LYPLAL1: variants seen among roughly 807,000 people sequenced by gnomAD.
LYPLAL1 encodes lysophospholipase-like protein 1.
Under a neutral mutation model 19.7 loss-of-function variants are expected in LYPLAL1, and 23 were observed. The observed-to-expected ratio is 1.17, with a 90% confidence interval of 0.84 to 1.65. The LOEUF is 1.65. Ranked by LOEUF, LYPLAL1 falls within the 40% of genes most tolerant of loss-of-function variation. The pLI is 0.00. For synonymous variants in LYPLAL1, 119 were observed against 96.3 expected (o/e 1.24, Z -1.38); for missense variants, 355 against 279.4 (o/e 1.27, Z -1.93).
At chr1:219,295,079 T>C in the LYPLAL1 span, among the ~76,000 whole-genome samples, 2 of 152,106 alleles carry the variant, frequency 1.3e-5, no homozygotes, top group South Asian at 2.1e-4. Context: ...TGAAAGCAGC[T>C]CTGGGCAGCA....
chr1:219,409,324 C>T, the LYPLAL1 span, among the ~76,000 whole-genome samples: 1 of 152,020 alleles, frequency 6.6e-6, no homozygotes, highest in Non-Finnish European at 1.5e-5. Context: ...TGGCCCATGC[C>T]TGTAGTCCCA....
chr1:219,343,277 G>C, the LYPLAL1 span, among the ~76,000 whole-genome samples: 4 of 152,182 alleles, frequency 2.6e-5, no homozygotes, highest in African/African-American at 9.7e-5. Context: ...TCCTAGGGGA[G>C]ACCTTCATTG....
chr1:219,409,191 G>C, the LYPLAL1 span, among the ~76,000 whole-genome samples: 7 of 152,216 alleles, frequency 4.6e-5, no homozygotes, highest in African/African-American at 1.7e-4. Context: ...GCTCACGCCT[G>C]TAATCCTAGA....
At chr1:219,184,244 G>A (rs1656537523) in intron 2 of LYPLAL1, among the ~76,000 whole-genome samples, 1 of 151,830 alleles carries the variant, frequency 6.6e-6, no homozygotes, top group Admixed American at 6.6e-5. Context: ...TAGTGTAGAA[G>A]TCTTTTGCTA....
At chr1:219,256,413 G>C in the LYPLAL1 span, among the ~76,000 whole-genome samples, 1 of 150,948 alleles carries the variant, frequency 6.6e-6, no homozygotes, top group African/African-American at 2.4e-5. Context: ...TTTCCAGAAG[G>C]CTAATTTGAG....
At chr1:219,193,957 T>G (rs1657403098) in intron 3 of LYPLAL1, among the ~76,000 whole-genome samples, 1 of 151,950 alleles carries the variant, frequency 6.6e-6, no homozygotes, top group South Asian at 2.1e-4. Flanking sequence ...GCAAATTAAG[T>G]ATCCCCATTA....
At chr1:219,251,472 T>C in the LYPLAL1 span, among the ~76,000 whole-genome samples, 2 of 152,082 alleles carry the variant, frequency 1.3e-5, no homozygotes, top group Non-Finnish European at 2.9e-5. Flanking sequence ...AAGGAAAGGG[T>C]CCAGCTTCAA....
chr1:219,272,766 C>T, the LYPLAL1 span: 2 of 149,614 alleles, frequency 1.3e-5, no homozygotes, highest in African/African-American at 4.9e-5. Context: ...GGCAACGGAG[C>T]AAGACTCTTA....
the LYPLAL1 span, among the ~76,000 whole-genome samples, chr1:219,338,479 A>G: frequency 6.6e-6 from 1 of 151,970 alleles, no homozygotes; most frequent in Admixed American, 6.6e-5. Context: ...CTTGCAGCTA[A>G]TAGAGACCTA....
At chr1:219,200,756 A>G (rs535804887) in intron 3 of LYPLAL1, among the ~76,000 whole-genome samples, 100 of 152,316 alleles carry the variant, frequency 6.6e-4, no homozygotes, top group Admixed American at 5.9e-3. Flanking sequence ...AAAGTTTATC[A>G]CTTGATTATA....
At chr1:219,264,383 G>GC in the LYPLAL1 span, among the ~76,000 whole-genome samples, 1 of 152,142 alleles carries the variant, frequency 6.6e-6, no homozygotes, top group Non-Finnish European at 1.5e-5. Context: ...TTCATAATCA[G>GC]CTAGAAAAAT....
the LYPLAL1 span, among the ~76,000 whole-genome samples, chr1:219,300,132 T>G: frequency 1.3e-5 from 2 of 152,082 alleles, no homozygotes; most frequent in Non-Finnish European, 2.9e-5. Flanking sequence ...TACAGGCAAG[T>G]GCCACTATGC....
the LYPLAL1 span, among the ~76,000 whole-genome samples, chr1:219,364,146 C>T: frequency 6.6e-6 from 1 of 152,084 alleles, no homozygotes; most frequent in African/African-American, 2.4e-5. Context: ...AGATGACAGG[C>T]TGAATATGGT....
the LYPLAL1 span, among the ~76,000 whole-genome samples, chr1:219,344,483 C>A: frequency 2.6e-5 from 4 of 152,256 alleles, no homozygotes; most frequent in South Asian, 2.1e-4. Flanking sequence ...AACTATTTTA[C>A]GTGTATTTTA....
In LYPLAL1 at chr1:219,173,928, T is replaced by A. The variant is rs758639839; in HGVS notation, c.38T>A (p.Ile13Asn). ...AASGSVLQRC[I>N]VSPAGRHSAS... Reference sequence around the variant, plus strand: ...TCGGGGTCGGTTCTGCAGCGCTGTATCGTGTCGCCGGCAGGGAGGCATAGC... The same window carrying A: ...TCGGGGTCGGTTCTGCAGCGCTGTAACGTGTCGCCGGCAGGGAGGCATAGC... Residue 13 changes from isoleucine (I) to asparagine (N), a missense_variant, in exon 1 of 5, where the codon ATC becomes AAC. By Grantham distance (149) the Ile-to-Asn change is moderately radical. Transcript: ENST00000366928. The A allele has an allele frequency of 3.1e-6, 5 of 1,613,904 alleles. No individual in the cohort carries two copies. The South Asian group carries it at 5.5e-5, about 18-fold the overall frequency.
chr1:219,332,133 T>A, the LYPLAL1 span, among the ~76,000 whole-genome samples: 2 of 152,152 alleles, frequency 1.3e-5, 1 homozygote, highest in South Asian at 4.1e-4. Flanking sequence ...CAGCTTCTGC[T>A]CCCTCTTTCT....
At chr1:219,338,424 A>G in the LYPLAL1 span, among the ~76,000 whole-genome samples, 1 of 152,006 alleles carries the variant, frequency 6.6e-6, no homozygotes, top group African/African-American at 2.4e-5. Context: ...ATGTATCAAA[A>G]CATTCTGTTG....
the LYPLAL1 span, among the ~76,000 whole-genome samples, chr1:219,440,182 C>T: frequency 6.6e-6 from 1 of 151,388 alleles, no homozygotes; most frequent in South Asian, 2.1e-4. Context: ...TCCTTATTTT[C>T]AGCCTACAAA....
the LYPLAL1 span, among the ~76,000 whole-genome samples, chr1:219,282,922 C>A: frequency 6.6e-6 from 1 of 151,680 alleles, no homozygotes; most frequent in Admixed American, 6.6e-5. Flanking sequence ...AATTATCCAC[C>A]ATAAAGGAAT....
Sources: gnomAD v4.1 joint callset for allele counts (sites outside exome capture counted in the v4.1 genomes callset) on GRCh38, gnomAD v4.1.1 for gene constraint, MANE v1.5 for transcripts, NCBI Gene and HGNC (gene_info 2026-07-23, HGNC 2026-07-21) for gene names.